RETREG1: variants seen among roughly 807,000 people sequenced by gnomAD.
The protein encoded by RETREG1 is reticulophagy regulator 1, also known as family with sequence similarity 134 member B.
In RETREG1, 44 loss-of-function variants were observed where a neutral mutation model predicts 54.8. The observed-to-expected ratio is 0.80, with a 90% CI of 0.63 to 1.03. The LOEUF (loss-of-function observed/expected upper bound fraction) is 1.03. Ranked by LOEUF, RETREG1 falls within the 50% of genes least tolerant of loss-of-function variation. The pLI is 0.00. For missense variants in RETREG1, 554 were observed against 605.1 expected (o/e 0.92, Z 0.89); for synonymous variants, 217 against 238.5 (o/e 0.91, Z 0.83).
At chr5:16,608,139 C>T (rs867936961) in intron 1 of RETREG1, among the ~76,000 whole-genome samples, 8 of 152,316 alleles carry the variant, frequency 5.3e-5, no homozygotes, top group Middle Eastern at 3.4e-3. Flanking sequence ...CTCAGCCTCT[C>T]AAAGTGCTGA....
At chr5:16,547,994 T>C (rs906849833) in intron 3 of RETREG1, among the ~76,000 whole-genome samples, 1 of 152,184 alleles carries the variant, frequency 6.6e-6, no homozygotes, top group African/African-American at 2.4e-5. Context: ...ATTGGACTTA[T>C]AAGCTTATAT....
Position 16,594,094 on chromosome 5 carries a change from T to C in RETREG1, c.321-21992A>G, listed in dbSNP as rs31300. ...CAGTCTCACAATCTTAAGATACAACTTGTCTGTACCAGGCAAAACCTACAC... is the reference window on the plus strand; with the variant it reads ...CAGTCTCACAATCTTAAGATACAACCTGTCTGTACCAGGCAAAACCTACAC... On this transcript the variant is annotated intron_variant, in intron 1 of 8. Transcript: ENST00000306320. The surrounding 1 kb of genome is among the most constrained non-coding windows in gnomAD (Gnocchi z 4.4). Among the ~76,000 whole-genome samples, 53,817 of 152,130 alleles carry C rather than the reference T, an allele frequency of 0.35. 9,683 individuals are homozygous for C. Among genetic ancestry groups the C allele is most frequent in the Non-Finnish European group, 0.37 (25,202 of 67,988 alleles).
chr5:16,557,905 A>C (rs189231754), intron 3 of RETREG1, among the ~76,000 whole-genome samples: 1 of 152,284 alleles, frequency 6.6e-6, no homozygotes, highest in Non-Finnish European at 1.5e-5. Context: ...AATTGCCATC[A>C]TGATGATATT....
chr5:16,490,387 A>C (rs894158736), intron 3 of RETREG1, among the ~76,000 whole-genome samples: 9 of 152,234 alleles, frequency 5.9e-5, no homozygotes, highest in African/African-American at 1.9e-4. Flanking sequence ...ACAGATTACT[A>C]TGACAGTTTT....
chr5:16,474,931 G>T lies in RETREG1; in HGVS notation c.1304C>A (p.Ala435Glu), dbSNP rs961559063. Residue 435 changes from alanine (A) to glutamate (E), a missense_variant, in exon 9 of 9, where the codon GCA becomes GAA. Ala to Glu is a moderately radical substitution (Grantham distance 107). Coordinates refer to ENST00000306320, the MANE Select transcript of RETREG1 (RefSeq NM_001034850.3). ...TGGGATGGGGGCAGCCTGAGAAAGT[G>T]CTTGCTGCACACCCTCTAACTGGTC... ...IKDQLEGVQQ[A>E]LSQAAPIPEE... is the part of the protein sequence containing the mutation. 2 of 1,613,850 alleles carry T rather than the reference G, an allele frequency of 1.2e-6. No individual in the cohort carries two copies. The highest frequency in any genetic ancestry group is 1.1e-5 in the South Asian group (1 of 91,074).
chr5:16,577,455 G>A (rs1292954816), intron 1 of RETREG1, among the ~76,000 whole-genome samples: 1 of 151,920 alleles, frequency 6.6e-6, no homozygotes, highest in Non-Finnish European at 1.5e-5. Flanking sequence ...AGGGGTGACG[G>A]CCCTTCACTC....
chr5:16,551,780 C>T (rs1250249842), intron 3 of RETREG1, among the ~76,000 whole-genome samples: 1 of 152,056 alleles, frequency 6.6e-6, no homozygotes, highest in Non-Finnish European at 1.5e-5. Flanking sequence ...CACAAAAATC[C>T]ATCATCTTGC....
chr5:16,513,904 G>A (rs911976127), intron 3 of RETREG1, among the ~76,000 whole-genome samples: 1 of 152,002 alleles, frequency 6.6e-6, no homozygotes, highest in African/African-American at 2.4e-5. Flanking sequence ...ATTATTTTAC[G>A]CTGACTGGTA....
chr5:16,508,553 G>C, intron 3 of RETREG1: 1 of 1,597,930 alleles, frequency 6.3e-7, no homozygotes, highest in Non-Finnish European at 8.6e-7. Flanking sequence ...TGAAGAATAA[G>C]TACGTACGTA....
At chr5:16,541,984 G>T (rs570929816) in intron 3 of RETREG1, among the ~76,000 whole-genome samples, 10 of 152,188 alleles carry the variant, frequency 6.6e-5, no homozygotes, top group Non-Finnish European at 1.3e-4. Flanking sequence ...GGGCCACTAT[G>T]TTCTAAGGCT....
At chr5:16,490,550 CATCTTATAAACTTACT>C (rs1409298391) in intron 3 of RETREG1, among the ~76,000 whole-genome samples, 10 of 152,152 alleles carry the variant, frequency 6.6e-5, no homozygotes, top group Non-Finnish European at 1.0e-4. Context: ...TAGTGAACAG[CATCTTATAAACTTACT>C]ATCTTATAAA....
At chr5:16,582,052 C>A (rs1742497967) in intron 1 of RETREG1, among the ~76,000 whole-genome samples, 1 of 152,054 alleles carries the variant, frequency 6.6e-6, no homozygotes, top group African/African-American at 2.4e-5. Flanking sequence ...TTATATATGA[C>A]CATTAAAATA....
At chr5:16,563,031 G>A (rs1459219128) in intron 3 of RETREG1, among the ~76,000 whole-genome samples, 1 of 152,176 alleles carries the variant, frequency 6.6e-6, no homozygotes, top group East Asian at 1.9e-4. Flanking sequence ...TGGAAAGTCT[G>A]TACTGTCTTC....
In RETREG1 at chr5:16,474,075, T is replaced by C. The variant is rs1738416973; in HGVS notation, c.*666A>G. On this transcript the variant is annotated 3_prime_UTR_variant, in exon 9 of 9. Transcript: ENST00000306320. ...GGGTTAATACCACCCACTGCAAGAC[T>C]AGAGATGGCAGTCAATGGAGCATGC... 1 of 153,118 alleles carries C rather than the reference T, an allele frequency of 6.5e-6. No individual in the cohort carries two copies. The highest frequency in any genetic ancestry group is 1.5e-5 in the Non-Finnish European group (1 of 68,828). The allele number at this position is 153,118 out of a possible 1,614,324, so 9.5% of individuals were successfully genotyped here.
At position 16,533,325 on chromosome 5, in the gene RETREG1, G is replaced by A. The variant is rs865904258; in HGVS notation, c.458+32438C>T. On this transcript the variant is annotated intron_variant, in intron 3 of 8. Transcript: ENST00000306320. Reference sequence around the variant, plus strand: ...CCCAAAGTGCTGGGATTACAGGCGTGAGCCACCACGCCCGGCTGATAATAT... The same window carrying A: ...CCCAAAGTGCTGGGATTACAGGCGTAAGCCACCACGCCCGGCTGATAATAT... 8.1e-4 allele frequency among the ~76,000 whole-genome samples: 123 copies of A among 152,140 alleles called. 3 individuals carry two copies. The highest frequency in any genetic ancestry group is 2.4e-4 in the Non-Finnish European group (16 of 68,036).
chr5:16,517,818 A>G (rs2126576418), intron 3 of RETREG1, among the ~76,000 whole-genome samples: 1 of 152,270 alleles, frequency 6.6e-6, no homozygotes, highest in African/African-American at 2.4e-5. Flanking sequence ...CAAATCACAC[A>G]CACAAAATTT....
At chr5:16,499,208 T>C (rs1739595972) in intron 3 of RETREG1, among the ~76,000 whole-genome samples, 1 of 152,184 alleles carries the variant, frequency 6.6e-6, no homozygotes, top group African/African-American at 2.4e-5. Context: ...TATAATTTCA[T>C]GGGACCACTG....
intron 3 of RETREG1, among the ~76,000 whole-genome samples, chr5:16,504,976 C>T (rs1462949484): frequency 1.3e-5 from 2 of 152,228 alleles, no homozygotes; most frequent in Non-Finnish European, 2.9e-5. Flanking sequence ...ATTATTAAAA[C>T]ATCTGGATTG....
chr5:16,524,208 C>T (rs184507954), intron 3 of RETREG1, among the ~76,000 whole-genome samples: 1 of 152,208 alleles, frequency 6.6e-6, no homozygotes, highest in Admixed American at 6.5e-5. Context: ...TGCATCTCCA[C>T]CAACACGCGT....
Sources: gnomAD v4.1 joint callset for allele counts (sites outside exome capture counted in the v4.1 genomes callset) on GRCh38, gnomAD v4.1.1 for gene constraint, Gnocchi (gnomAD v3.1) non-coding constraint, MANE v1.5 for transcripts, NCBI Gene and HGNC (gene_info 2026-07-23, HGNC 2026-07-21) for gene names.